The following PPP2R2A variants were observed in gnomAD, a reference collection of about 807,000 sequenced individuals.
PPP2R2A encodes the protein serine/threonine-protein phosphatase 2A 55 kDa regulatory subunit B alpha isoform.
PPP2R2A carries 9 observed loss-of-function variants against 53.2 expected under a neutral mutation model. That is an observed-to-expected ratio of 0.17 (90% CI 0.10 to 0.30). The LOEUF is 0.30. Among genes scored for constraint, PPP2R2A ranks in the 10% least tolerant of loss-of-function variants. PPP2R2A has a pLI of 1.00. For synonymous variants in PPP2R2A, 169 were observed against 174.2 expected, an observed-to-expected ratio of 0.97 and a Z score of 0.23; for missense variants, 235 against 534.6, an observed-to-expected ratio of 0.44 and a Z score of 5.53.
rs1054762131 is a variant in PPP2R2A, at chr8:26,338,262, C to T, written c.83-628C>T. On this transcript the variant is annotated intron_variant, in intron 2 of 9. Coordinates refer to ENST00000380737, the MANE Select transcript of PPP2R2A (RefSeq NM_002717.4). The surrounding 1 kb of genome is among the most constrained non-coding windows in gnomAD (Gnocchi z 4.5). ...TCTTTGATCATGACTGTGAAGTCAG[C>T]ACTGAGCTGGTAGAATCCATGTGAC... Among the ~76,000 whole-genome samples the T allele has an allele frequency of 6.6e-6, 1 of 152,158 alleles. No individual in the cohort carries two copies. The highest frequency in any genetic ancestry group is 6.5e-5 in the Admixed American group (1 of 15,272).
At chr8:26,358,621 T>C (rs1203817125) in intron 4 of PPP2R2A, among the ~76,000 whole-genome samples, 1 of 152,220 alleles carries the variant, frequency 6.6e-6, no homozygotes, top group Non-Finnish European at 1.5e-5. Context: ...CACTGGCATC[T>C]CTCTGAGTTG....
Position 26,370,411 on chromosome 8 carries a change from T to C in PPP2R2A, c.1342T>C (p.Ter448GlnextTer5). ...NLYIFQDKVN* is the reference protein window; with the variant it reads ...NLYIFQDKVNQ ...GTATATATTTCAAGACAAAGTGAATTAGGGTTGGCATTCCTAGCAGAAGAA... is the reference window on the plus strand; with the variant it reads ...GTATATATTTCAAGACAAAGTGAATCAGGGTTGGCATTCCTAGCAGAAGAA... The change falls in exon 10 of 10, where the codon TAG (stop) becomes CAG (glutamine). Residue 448 changes from the stop codon to glutamine (Q), a stop_lost. Transcript: ENST00000380737. This position sits in a 1 kb window ranked among gnomAD's most constrained non-coding sequence, Gnocchi z 6.1. The C allele has an allele frequency of 6.2e-7, 1 of 1,613,154 alleles. No homozygotes were observed. The highest frequency in any genetic ancestry group is 8.5e-7 in the Non-Finnish European group (1 of 1,179,230).
intron 2 of PPP2R2A, among the ~76,000 whole-genome samples, chr8:26,317,282 C>T (rs910136934): frequency 3.9e-5 from 6 of 152,140 alleles, no homozygotes; most frequent in Admixed American, 3.9e-4. Context: ...CATTCCAACC[C>T]CAAAAGAGAT....
intron 2 of PPP2R2A, chr8:26,298,677 C>T (rs1337230444): frequency 6.6e-6 from 1 of 152,198 alleles, no homozygotes; most frequent in Non-Finnish European, 1.5e-5. Context: ...CAATCTGGAA[C>T]ATTACAGAAA....
intron 1 of PPP2R2A, chr8:26,293,396 CTGT>C: frequency 1.1e-6 from 1 of 894,106 alleles, no homozygotes; most frequent in Middle Eastern, 3.2e-4. Flanking sequence ...AAGGCTTTTA[CTGT>C]ATTTGACAGG....
chr8:26,311,567 G>A (rs1171297398), intron 2 of PPP2R2A, among the ~76,000 whole-genome samples: 1 of 152,140 alleles, frequency 6.6e-6, no homozygotes, highest in Non-Finnish European at 1.5e-5. Flanking sequence ...TAATTGGGAG[G>A]CTGAGGTGAG....
At chr8:26,305,098 GCAGCTACCATTCTACTTT>G (rs1023381153) in intron 2 of PPP2R2A, among the ~76,000 whole-genome samples, 2 of 151,934 alleles carry the variant, frequency 1.3e-5, no homozygotes. Flanking sequence ...TCAGCTCTTG[GCAGCTACCATTCTACTTT>G]CTGTTTCTGT....
At chr8:26,310,072 A>G (rs1379627496) in intron 2 of PPP2R2A, among the ~76,000 whole-genome samples, 1 of 149,410 alleles carries the variant, frequency 6.7e-6, no homozygotes, top group Non-Finnish European at 1.5e-5. Context: ...CACGAGGTCA[A>G]GATATCTAGA....
rs1805700784 is a variant in PPP2R2A, at chr8:26,372,589, A to G, written c.*2176A>G. On this transcript the variant is annotated 3_prime_UTR_variant, in exon 10 of 10. Coordinates refer to ENST00000380737, the MANE Select transcript of PPP2R2A (RefSeq NM_002717.4). ...AACATTCTCAAGTATTAATTTTTTA[A>G]TTTCATTGGTGTAGCAAACTCTAAG... is the stretch of plus-strand genomic sequence containing the variant. The G allele has an allele frequency of 6.6e-6, 1 of 152,166 alleles. No individual in the cohort carries two copies. Among genetic ancestry groups the G allele is most frequent in the Non-Finnish European group, 1.5e-5 (1 of 68,016 alleles). 9.4% of individuals were successfully genotyped at this position (152,166 alleles called of 1,614,324 possible).
rs1006289518 is a variant in PPP2R2A, at chr8:26,370,840, A to C, written c.*427A>C. On this transcript the variant is annotated 3_prime_UTR_variant, in exon 10 of 10. Coordinates refer to ENST00000380737, the MANE Select transcript of PPP2R2A (RefSeq NM_002717.4). The surrounding 1 kb of genome is among the most constrained non-coding windows in gnomAD (Gnocchi z 6.1). ...ACCCCTTCCCCCTTTTTTTAAATTA[A>C]ATACAGCTCATTCTTACTGTGGCTT... 2.9e-5 allele frequency: 5 copies of C among 175,242 alleles called. No individual in the cohort carries two copies. The East Asian group carries it at 4.4e-4, about 15-fold the overall frequency. 10.9% of individuals were successfully genotyped at this position (175,242 alleles called of 1,614,324 possible).
intron 3 of PPP2R2A, among the ~76,000 whole-genome samples, chr8:26,343,215 A>G (rs558714206): frequency 3.1e-4 from 47 of 152,000 alleles, no homozygotes; most frequent in South Asian, 1.2e-3. Flanking sequence ...ACAGATTTCT[A>G]TCCTGCTCCT....
At chr8:26,358,065 C>T (rs1801350833) in intron 4 of PPP2R2A, among the ~76,000 whole-genome samples, 1 of 151,964 alleles carries the variant, frequency 6.6e-6, no homozygotes, top group Non-Finnish European at 1.5e-5. Flanking sequence ...GATTTATTTC[C>T]TGCCTGCCTT....
intron 8 of PPP2R2A, 35 bp downstream of exon 8, chr8:26,363,925 C>T (rs772317543): frequency 1.3e-6 from 2 of 1,515,234 alleles, no homozygotes; most frequent in Non-Finnish European, 1.8e-6. Context: ...AGCATATACC[C>T]TGTTTACTTT....
intron 2 of PPP2R2A, among the ~76,000 whole-genome samples, chr8:26,316,296 C>T (rs770656464): frequency 1.2e-4 from 19 of 152,180 alleles, no homozygotes; most frequent in Non-Finnish European, 2.4e-4. Context: ...GCCTGAACCA[C>T]CATGCCCAGC....
Position 26,338,816 on chromosome 8 carries a change from C to T in PPP2R2A, c.83-74C>T. 9.9e-7 allele frequency: 1 copy of T among 1,014,072 alleles called. No individual in the cohort carries two copies. Among genetic ancestry groups the T allele is most frequent in the Non-Finnish European group, 1.5e-6 (1 of 677,634 alleles). 62.8% of individuals were successfully genotyped at this position (1,014,072 alleles called of 1,614,324 possible). A position where few individuals can be genotyped will look rare whatever the true frequency, so the allele number is the denominator to read the frequency against. On this transcript the variant is annotated intron_variant, in intron 2 of 9. Coordinates refer to ENST00000380737, the MANE Select transcript of PPP2R2A (RefSeq NM_002717.4). The surrounding 1 kb of genome is among the most constrained non-coding windows in gnomAD (Gnocchi z 4.5). Reference sequence around the variant, plus strand: ...CATAGACTTGGAATGTTTGGGAAAACACGCTAAGTTCTGAAACTAGTGAGT... The same window carrying T: ...CATAGACTTGGAATGTTTGGGAAAATACGCTAAGTTCTGAAACTAGTGAGT...
intron 2 of PPP2R2A, among the ~76,000 whole-genome samples, chr8:26,317,648 T>G (rs1156238707): frequency 1.3e-5 from 2 of 152,238 alleles, no homozygotes; most frequent in African/African-American, 4.8e-5. Context: ...CACTTCCCAG[T>G]TTTTTGAACC....
At chr8:26,309,744 G>A (rs1293134196) in intron 2 of PPP2R2A, among the ~76,000 whole-genome samples, 2 of 152,174 alleles carry the variant, frequency 1.3e-5, no homozygotes. Context: ...TCTCCAGGAG[G>A]CCCAAGGAGG....
At chr8:26,292,446 A>G in intron 1 of PPP2R2A, 2 of 984,508 alleles carry the variant, frequency 2.0e-6, no homozygotes, top group Non-Finnish European at 2.4e-6. Flanking sequence ...TTTCATGTAC[A>G]GCAAGTTGCA....
chr8:26,309,422 A>C (rs1802172351), intron 2 of PPP2R2A, among the ~76,000 whole-genome samples: 1 of 152,208 alleles, frequency 6.6e-6, no homozygotes, highest in Non-Finnish European at 1.5e-5. Flanking sequence ...GAGTACAGGC[A>C]GAGTAGATTT....
Sources: allele counts gnomAD v4.1 joint callset (sites outside exome capture counted in the v4.1 genomes callset), GRCh38; gene constraint gnomAD v4.1.1; non-coding constraint Gnocchi (gnomAD v3.1); transcripts MANE v1.5; gene names NCBI Gene and HGNC (gene_info 2026-07-23, HGNC 2026-07-21).